KAZN: variants seen among roughly 807,000 people sequenced by gnomAD.
KAZN encodes the protein kazrin.
Under a neutral mutation model 87.4 loss-of-function variants are expected in KAZN, and 40 were observed. That is an observed-to-expected ratio of 0.46 (90% confidence interval 0.36 to 0.60). The LOEUF is 0.60. Among genes scored for constraint, KAZN ranks in the 20% least tolerant of loss-of-function variants. The pLI is 0.00. For missense variants in KAZN, 898 were observed against 1,073.9 expected, an observed-to-expected ratio of 0.84 and a Z score of 2.29; for synonymous variants, 466 against 458.3, an observed-to-expected ratio of 1.02 and a Z score of -0.22.
rs181067411 is a variant in KAZN, at chr1:14,152,976, A to C, written c.92-27459A>C. On this transcript the variant is annotated intron_variant, in intron 1 of 16. Transcript: ENST00000636203. ...GCATCTTTTCATATACCTGTTTGCC[A>C]TTGGTAAGTTTTTTTAATTGAGAAA... 2.0e-5 allele frequency among the ~76,000 whole-genome samples: 3 copies of C among 152,262 alleles called. No homozygotes were observed. The East Asian group carries it at 5.8e-4, about 29-fold the overall frequency.
chr1:14,731,299 C>T (rs72636629), intron 1 of KAZN, among the ~76,000 whole-genome samples: 387 of 152,268 alleles, frequency 2.5e-3, no homozygotes, highest in Admixed American at 4.3e-3. Flanking sequence ...GTTTTGAACT[C>T]AGTTATTTAA....
chr1:14,048,069 G>C (rs568260963), intron 1 of KAZN, among the ~76,000 whole-genome samples: 10 of 152,232 alleles, frequency 6.6e-5, no homozygotes, highest in South Asian at 6.2e-4. Flanking sequence ...CTCTCCAGCT[G>C]TGTGATCTGG....
chr1:15,112,994 AC>A (rs57315380), intron 14 of KAZN: 154,019 of 163,122 alleles, frequency 0.94, 72,776 homozygotes, highest in South Asian at 0.98. Flanking sequence ...GCAAAGATGA[AC>A]CCTCTGGTGA....
rs574601274 is a variant in KAZN at position 14,288,944 on chromosome 1, G to C, written c.249+108352G>C. 2.6e-5 allele frequency among the ~76,000 whole-genome samples: 4 copies of C among 152,206 alleles called. No homozygotes were observed. In the South Asian group the frequency reaches 8.3e-4, roughly 32 times the overall value. On this transcript the variant is annotated intron_variant, in intron 2 of 16. Coordinates refer to the KAZN transcript ENST00000636203. Reference sequence around the variant, plus strand: ...CTGCCTTAATTTCGTTATGTACCCAGTAGTCATTCAGGAGCAGGTTGTTCA... The same window carrying C: ...CTGCCTTAATTTCGTTATGTACCCACTAGTCATTCAGGAGCAGGTTGTTCA...
At chr1:14,248,885 A>G (rs896668125) in intron 2 of KAZN, among the ~76,000 whole-genome samples, 2 of 152,204 alleles carry the variant, frequency 1.3e-5, no homozygotes, top group Admixed American at 1.3e-4. Context: ...GAGGCCAAGC[A>G]GCCATGTTAG....
At chr1:14,153,257 A>C (rs899058520) in intron 1 of KAZN, among the ~76,000 whole-genome samples, 1 of 152,184 alleles carries the variant, frequency 6.6e-6, no homozygotes, top group Admixed American at 6.5e-5. Context: ...GGTATCATTC[A>C]AGAAATTTTT....
intron 2 of KAZN, among the ~76,000 whole-genome samples, chr1:14,192,176 A>G (rs1287113737): frequency 6.6e-6 from 1 of 152,194 alleles, no homozygotes; most frequent in African/African-American, 2.4e-5. Context: ...ACAAAGGGGA[A>G]AAGAAACACT....
chr1:15,018,940 A>G (rs1670392035), intron 2 of KAZN, among the ~76,000 whole-genome samples: 1 of 152,154 alleles, frequency 6.6e-6, no homozygotes, highest in Non-Finnish European at 1.5e-5. Flanking sequence ...TATTGTGCCC[A>G]TTTCACAGAG....
At chr1:14,166,682 A>C (rs1199974809) in intron 1 of KAZN, among the ~76,000 whole-genome samples, 2 of 152,226 alleles carry the variant, frequency 1.3e-5, no homozygotes, top group Non-Finnish European at 2.9e-5. Context: ...ATTTTAACAA[A>C]TTTTGACTTT....
Position 15,072,713 on chromosome 1 carries a change from T to G in KAZN, c.1222+6960T>G, listed in dbSNP as rs552341264. On this transcript the variant is annotated intron_variant, in intron 8 of 14. Coordinates refer to ENST00000376030, the MANE Select transcript of KAZN (RefSeq NM_201628.3). ...CCAAGGCGCAGAGAGGTGAAGTTCT[T>G]GACTGGAGTCACACACCTAGGAAGA... is the stretch of plus-strand genomic sequence containing the variant. 2.5e-4 allele frequency among the ~76,000 whole-genome samples: 38 copies of G among 152,348 alleles called. No homozygotes were observed. The South Asian group carries it at 3.9e-3, about 16-fold the overall frequency.
At chr1:13,926,071 T>C (rs978114761) in intron 1 of KAZN, among the ~76,000 whole-genome samples, 1 of 150,804 alleles carries the variant, frequency 6.6e-6, no homozygotes, top group Non-Finnish European at 1.5e-5. Flanking sequence ...TCTCCCTTTG[T>C]TTTTTTTCAT....
chr1:14,313,371 G>C (rs528019803), intron 2 of KAZN, among the ~76,000 whole-genome samples: 2 of 152,224 alleles, frequency 1.3e-5, no homozygotes, highest in Admixed American at 1.3e-4. Context: ...TCCTTAAACA[G>C]CTTCATCAAT....
chr1:14,910,455 C>A (rs566647346), intron 1 of KAZN, among the ~76,000 whole-genome samples: 1 of 152,280 alleles, frequency 6.6e-6, no homozygotes, highest in South Asian at 2.1e-4. Flanking sequence ...TAATTCTTTG[C>A]TGTAGGAGGT....
At chr1:14,523,726 G>A (rs1455895926) in intron 2 of KAZN, among the ~76,000 whole-genome samples, 1 of 152,202 alleles carries the variant, frequency 6.6e-6, no homozygotes, top group Non-Finnish European at 1.5e-5. Context: ...GCAGGAAGAA[G>A]CATGGTCTGG....
At position 14,385,198 on chromosome 1, in the gene KAZN, C is replaced by T. The variant is rs941102748; in HGVS notation, c.249+204606C>T. ...CATTTTTTATTTCGTCTATTTGGTTCTTCTTTTTTTCTTTATTAGTCTTGC... is the reference window on the plus strand; with the variant it reads ...CATTTTTTATTTCGTCTATTTGGTTTTTCTTTTTTTCTTTATTAGTCTTGC... On this transcript the variant is annotated intron_variant, in intron 2 of 16. Transcript: ENST00000636203. Among the ~76,000 whole-genome samples the T allele has an allele frequency of 3.1e-4, 47 of 151,908 alleles. 1 individual carries two copies. Among genetic ancestry groups the T allele is most frequent in the Admixed American group, 1.8e-3 (27 of 15,252 alleles).
At chr1:14,493,379 G>A (rs1404416716) in intron 2 of KAZN, among the ~76,000 whole-genome samples, 1 of 152,188 alleles carries the variant, frequency 6.6e-6, no homozygotes, top group South Asian at 2.1e-4. Context: ...GGACAAGGGG[G>A]CTCCCAGAGA....
At chr1:15,083,175 G>T (rs1027677597) in intron 8 of KAZN, among the ~76,000 whole-genome samples, 1 of 152,184 alleles carries the variant, frequency 6.6e-6, no homozygotes, top group African/African-American at 2.4e-5. Flanking sequence ...TCGGAGGTAG[G>T]CACCTTTCCT....
intron 2 of KAZN, among the ~76,000 whole-genome samples, chr1:14,430,581 C>T (rs912490754): frequency 1.3e-5 from 2 of 152,134 alleles, no homozygotes; most frequent in African/African-American, 4.8e-5. Flanking sequence ...TCCAGCATCA[C>T]AATAATGAAT....
At chr1:14,076,107 C>T (rs1177241400) in intron 1 of KAZN, among the ~76,000 whole-genome samples, 1 of 152,054 alleles carries the variant, frequency 6.6e-6, no homozygotes, top group Non-Finnish European at 1.5e-5. Flanking sequence ...TGGTGAAACC[C>T]TGTCTCTACT....
Sources: gnomAD v4.1 joint callset for allele counts (sites outside exome capture counted in the v4.1 genomes callset) on GRCh38, gnomAD v4.1.1 for gene constraint, MANE v1.5 for transcripts, NCBI Gene and HGNC (gene_info 2026-07-23, HGNC 2026-07-21) for gene names.